Variants in CLASP2 observed in about 807,000 individuals in gnomAD.
CLASP2 encodes CLIP-associating protein 2.
In CLASP2, 47 loss-of-function variants were observed where a neutral mutation model predicts 194.4. The ratio of observed to expected loss-of-function variants is 0.24; its 90% CI spans 0.19 to 0.31. CLASP2 has a LOEUF of 0.31. Among genes scored for constraint, CLASP2 ranks in the 10% least tolerant of loss-of-function variants. The pLI, the probability that CLASP2 is intolerant of heterozygous loss-of-function variation, is 1.00. For synonymous variants in CLASP2, 619 were observed against 633.5 expected, an observed-to-expected ratio of 0.98 and a Z score of 0.34; for missense variants, 1,445 against 1,823.6, an observed-to-expected ratio of 0.79 and a Z score of 3.78.
intron 7 of CLASP2, among the ~76,000 whole-genome samples, chr3:33,657,718 T>C (rs867737220): frequency 6.6e-6 from 1 of 152,114 alleles, no homozygotes; most frequent in Non-Finnish European, 1.5e-5. Context: ...CATAAGATCA[T>C]ATAAAATAGT....
intron 10 of CLASP2, 36 bp from the exon 11 acceptor site, chr3:33,622,316 TG>T (rs2077238954): frequency 7.1e-7 from 1 of 1,414,098 alleles, no homozygotes. Context: ...ACAAAAAAGG[TG>T]GAAGTGCAAA....
intron 5 of CLASP2, among the ~76,000 whole-genome samples, chr3:33,686,845 T>G (rs2090739948): frequency 6.6e-6 from 1 of 152,186 alleles, no homozygotes; most frequent in Admixed American, 6.5e-5. Context: ...CCATCTGTCC[T>G]TACTACTAGC....
intron 9 of CLASP2, among the ~76,000 whole-genome samples, chr3:33,629,322 TAAG>T (rs2078635325): frequency 6.6e-6 from 1 of 152,116 alleles, no homozygotes; most frequent in Admixed American, 6.6e-5. Flanking sequence ...GTAAATGTGT[TAAG>T]GAAGCAGAAA....
At chr3:33,697,679 T>C (rs2154351615) in intron 1 of CLASP2, among the ~76,000 whole-genome samples, 1 of 152,316 alleles carries the variant, frequency 6.6e-6, no homozygotes, top group African/African-American at 2.4e-5. Context: ...ATCTTCTGTC[T>C]GGGATGTAGA....
In CLASP2 at chr3:33,496,804, T is replaced by C. The variant is rs1400784719; in HGVS notation, c.*1827A>G. 2 of 152,254 alleles carry C rather than the reference T, an allele frequency of 1.3e-5. No homozygotes were observed. 9.4% of individuals were successfully genotyped at this position (152,254 alleles called of 1,614,324 possible). ...TTAAAATGCATTTTCTTCTTACAGA[T>C]AAGCTGTAATATATACATGCGTATG... is the stretch of plus-strand genomic sequence containing the variant. On this transcript the variant is annotated 3_prime_UTR_variant, in exon 39 of 39. Coordinates refer to ENST00000682230, the MANE Select transcript of CLASP2 (RefSeq NM_001365631.1).
intron 21 of CLASP2, among the ~76,000 whole-genome samples, chr3:33,589,898 T>C (rs954689238): frequency 7.2e-5 from 11 of 152,130 alleles, no homozygotes; most frequent in African/African-American, 2.7e-4. Context: ...TTAATTTTTA[T>C]CCTTAGACAA....
intron 1 of CLASP2, among the ~76,000 whole-genome samples, chr3:33,704,933 A>G (rs1189547797): frequency 7.9e-5 from 12 of 152,150 alleles, no homozygotes; most frequent in Non-Finnish European, 1.8e-4. Context: ...GAACCCTTAT[A>G]TGCTGGTGGT....
rs920507706 is a variant in CLASP2 at position 33,592,388 on chromosome 3, T to G, written c.2068+7A>C. 14 of 1,594,152 alleles carry G rather than the reference T, an allele frequency of 8.8e-6. No individual in the cohort carries two copies. The highest frequency in any genetic ancestry group is 1.2e-5 in the Non-Finnish European group (14 of 1,162,926). The stretch of plus-strand genomic sequence containing the variant: ...CAAATATAGGAGGGCTGATAAGCAA[T>G]ACATACGCTGTGATTGAGACACCAT... On this transcript the variant is annotated splice_region_variant and intron_variant, in intron 21 of 38. Coordinates refer to ENST00000682230, the MANE Select transcript of CLASP2 (RefSeq NM_001365631.1).
chr3:33,523,242 A>G (rs2053630002), intron 34 of CLASP2, among the ~76,000 whole-genome samples: 1 of 152,194 alleles, frequency 6.6e-6, no homozygotes, highest in South Asian at 2.1e-4. Context: ...GAAAGACAGA[A>G]AAACTATTTG....
At chr3:33,506,616 ACT>A (rs1209909075) in intron 37 of CLASP2, among the ~76,000 whole-genome samples, 1 of 151,436 alleles carries the variant, frequency 6.6e-6, no homozygotes, top group East Asian at 1.9e-4. Flanking sequence ...GGAGCTTCCT[ACT>A]CTGTCTGCCA....
At chr3:33,632,178 TTC>T (rs2154293700) in intron 9 of CLASP2, 112 bp downstream of exon 9, 1 of 582,026 alleles carries the variant, frequency 1.7e-6, no homozygotes, top group South Asian at 3.9e-5. Flanking sequence ...AGTCAAATAT[TTC>T]ATTTATATAG....
intron 12 of CLASP2, among the ~76,000 whole-genome samples, chr3:33,612,595 T>C (rs761543644): frequency 2.0e-5 from 3 of 152,216 alleles, no homozygotes; most frequent in Non-Finnish European, 4.4e-5. Flanking sequence ...ATCTTCTGAT[T>C]TCTATTAGTA....
intron 34 of CLASP2, among the ~76,000 whole-genome samples, chr3:33,518,219 CCTT>C (rs2051974674): frequency 6.6e-6 from 1 of 152,034 alleles, no homozygotes; most frequent in African/African-American, 2.4e-5. Flanking sequence ...TTTGTTTTTG[CCTT>C]CTTTTTAAAA....
At chr3:33,621,213 C>A (rs1577323610) in intron 11 of CLASP2, among the ~76,000 whole-genome samples, 1 of 152,282 alleles carries the variant, frequency 6.6e-6, no homozygotes, top group South Asian at 2.1e-4. Context: ...ACATCACTTG[C>A]ATCTTTTAAG....
At chr3:33,700,742 C>T (rs778272459) in intron 1 of CLASP2, among the ~76,000 whole-genome samples, 2 of 151,916 alleles carry the variant, frequency 1.3e-5, no homozygotes, top group African/African-American at 2.4e-5. Context: ...CCCAGCTACT[C>T]GGGAGGCCGA....
intron 29 of CLASP2, among the ~76,000 whole-genome samples, chr3:33,557,531 C>T (rs2154173685): frequency 6.6e-6 from 1 of 152,118 alleles, no homozygotes; most frequent in South Asian, 2.1e-4. Flanking sequence ...ACTACCACAC[C>T]TAGTTAACTC....
chr3:33,683,608 A>G (rs942568221), intron 6 of CLASP2: 1 of 152,416 alleles, frequency 6.6e-6, no homozygotes, highest in East Asian at 1.9e-4. Flanking sequence ...ACCCTGTCTC[A>G]AAAACAAACA....
intron 1 of CLASP2, among the ~76,000 whole-genome samples, chr3:33,711,220 G>A (rs1408161041): frequency 6.6e-6 from 1 of 151,324 alleles, no homozygotes; most frequent in Non-Finnish European, 1.5e-5. Flanking sequence ...CTATAGGGTA[G>A]GCTGAGTGGG....
chr3:33,716,659 T>G (rs1217011876), intron 1 of CLASP2, among the ~76,000 whole-genome samples: 1 of 152,258 alleles, frequency 6.6e-6, no homozygotes, highest in Non-Finnish European at 1.5e-5. Context: ...CAAATGGTAA[T>G]GATATATTAT....
Sources: gnomAD v4.1 joint callset for allele counts (sites outside exome capture counted in the v4.1 genomes callset) on GRCh38, gnomAD v4.1.1 for gene constraint, MANE v1.5 for transcripts, NCBI Gene and HGNC (gene_info 2026-07-23, HGNC 2026-07-21) for gene names.